The following USP34 variants were observed in gnomAD, a reference collection of about 807,000 sequenced individuals.
USP34 encodes the protein ubiquitin specific peptidase 34, also known as ubiquitin carboxyl-terminal hydrolase 34.
Under a neutral mutation model 460.3 loss-of-function variants are expected in USP34, and 70 were observed. That is an observed-to-expected ratio of 0.15 (90% CI 0.13 to 0.19). The LOEUF is 0.19. USP34 is among the 10% of genes least tolerant of loss of function. The pLI is 1.00. For synonymous variants in USP34, 1,647 were observed against 1,405.3 expected, an observed-to-expected ratio of 1.17 and a Z score of -3.85; for missense variants, 3,985 against 4,236.2, an observed-to-expected ratio of 0.94 and a Z score of 1.65.
At chr2:61,287,558 C>T (rs1427593345) in intron 34 of USP34, among the ~76,000 whole-genome samples, 3 of 152,202 alleles carry the variant, frequency 2.0e-5, no homozygotes, top group Admixed American at 2.0e-4. Context: ...CACCTTCCTC[C>T]TCCTCTTCTA....
At chr2:61,233,575 CAGCACTCTGGGAGGCAGAG>C (rs1241984442) in intron 57 of USP34, among the ~76,000 whole-genome samples, 3 of 152,060 alleles carry the variant, frequency 2.0e-5, no homozygotes, top group Non-Finnish European at 4.4e-5. Context: ...CCTGTAATCT[CAGCACTCTGGGAGGCAGAG>C]GCAGGAGGAT....
chr2:61,332,225 G>A (rs1243946807), intron 19 of USP34, among the ~76,000 whole-genome samples: 1 of 151,854 alleles, frequency 6.6e-6, no homozygotes, highest in East Asian at 1.9e-4. Flanking sequence ...TTAAACTATG[G>A]GCCATTAGAA....
At chr2:61,326,643 A>G (rs1446738532) in intron 20 of USP34, among the ~76,000 whole-genome samples, 2 of 152,146 alleles carry the variant, frequency 1.3e-5, no homozygotes, top group African/African-American at 4.8e-5. Flanking sequence ...AACTAAGTCA[A>G]TAATAAGCTA....
In USP34 at chr2:61,433,999, AG is replaced by A. The variant is rs1694746452; in HGVS notation, c.44-13167del. Among the ~76,000 whole-genome samples, 7 of 152,288 alleles carry A rather than the reference AG, an allele frequency of 4.6e-5. No individual in the cohort carries two copies. In the South Asian group the frequency reaches 1.4e-3, roughly 32 times the overall value. On this transcript the variant is annotated intron_variant, in intron 1 of 79. Transcript: ENST00000398571. Reference sequence around the variant, plus strand: ...ACAACCAGACCACACTTCAAGCCAAAGGAACAGTCTGACAGTCCCATCCAGG... The same window carrying A: ...ACAACCAGACCACACTTCAAGCCAAAGAACAGTCTGACAGTCCCATCCAGG...
At chr2:61,214,741 T>C (rs867089401) in intron 67 of USP34, 47 bp from the exon 68 acceptor site, 3 of 1,590,676 alleles carry the variant, frequency 1.9e-6, no homozygotes, top group African/African-American at 2.7e-5. Context: ...AGATATAAAA[T>C]AGACTGAACA....
intron 20 of USP34, among the ~76,000 whole-genome samples, chr2:61,325,828 A>C (rs1691069813): frequency 6.6e-6 from 1 of 152,226 alleles, no homozygotes; most frequent in Non-Finnish European, 1.5e-5. Flanking sequence ...TTCATATCAT[A>C]GTCCCTTTAG....
At chr2:61,406,863 A>T (rs978170319) in intron 2 of USP34, among the ~76,000 whole-genome samples, 3 of 151,680 alleles carry the variant, frequency 2.0e-5, no homozygotes, top group African/African-American at 7.3e-5. Context: ...AAAAAAAAAT[A>T]GCTGGGTATG....
Position 61,288,661 on chromosome 2 carries a change from A to G in USP34, c.4749+16T>C. Reference sequence around the variant, plus strand: ...TAAATGGAATTCATCATTAAACATTAATTTCTGCACTTTACCTCTGTTAAT... The same window carrying G: ...TAAATGGAATTCATCATTAAACATTGATTTCTGCACTTTACCTCTGTTAAT... On this transcript the variant is annotated intron_variant, in intron 34 of 79. Transcript: ENST00000398571. 1.2e-6 allele frequency: 2 copies of G among 1,610,264 alleles called. No homozygotes were observed. Among genetic ancestry groups the G allele is most frequent in the Non-Finnish European group, 1.7e-6 (2 of 1,177,326 alleles).
intron 53 of USP34, among the ~76,000 whole-genome samples, chr2:61,238,487 T>C (rs943378828): frequency 6.6e-6 from 1 of 152,316 alleles, no homozygotes. Flanking sequence ...CCTTCTATTA[T>C]CTGTAAGAAT....
At chr2:61,456,011 T>G in intron 1 of USP34, among the ~76,000 whole-genome samples, 1 of 152,186 alleles carries the variant, frequency 6.6e-6, no homozygotes, top group South Asian at 2.1e-4. Flanking sequence ...ATCTGTACTC[T>G]GGAACCTTCC....
intron 1 of USP34, among the ~76,000 whole-genome samples, chr2:61,444,671 G>A (rs184581120): frequency 1.3e-5 from 2 of 152,184 alleles, no homozygotes; most frequent in East Asian, 1.9e-4. Flanking sequence ...GCACATTAAA[G>A]GGCTAGGGTG....
Position 61,284,919 on chromosome 2 carries a change from C to T in USP34, c.4788G>A (p.Gln1596=), listed in dbSNP as rs1443304187. Residue 1596 remains glutamine (Q), a synonymous_variant, in exon 35 of 80, where the codon CAG becomes CAA. Coordinates refer to ENST00000398571, the MANE Select transcript of USP34 (RefSeq NM_014709.4). ...ACGTATAAGCAACAGACATAAGTCG[C>T]TGAATCAAACTGGTTCCTTGGACAA... ...LVLVQGTSLI[Q]RLMSVAYTYD... 1 of 1,611,148 alleles carries T rather than the reference C, an allele frequency of 6.2e-7. No homozygotes were observed. The highest frequency in any genetic ancestry group is 1.3e-5 in the African/African-American group (1 of 74,946).
chr2:61,202,668 T>C (rs1687010251), intron 75 of USP34, among the ~76,000 whole-genome samples: 1 of 152,198 alleles, frequency 6.6e-6, no homozygotes, highest in East Asian at 1.9e-4. Flanking sequence ...TTTATGAGAC[T>C]TACCTCCTAA....
intron 79 of USP34, 86 bp from the exon 80 acceptor site, chr2:61,188,795 C>G (rs1686530370): frequency 6.4e-7 from 1 of 1,566,030 alleles, no homozygotes; most frequent in South Asian, 1.2e-5. Context: ...AATTTTGTTT[C>G]TAGCATTTAT....
chr2:61,330,787 A>G (rs1691236659), intron 20 of USP34, among the ~76,000 whole-genome samples: 1 of 152,184 alleles, frequency 6.6e-6, no homozygotes, highest in African/African-American at 2.4e-5. Context: ...TCCAGAGAAT[A>G]TTTTGATGTA....
rs111327730 is a variant in USP34, at chr2:61,383,604, G to T, written c.754-268C>A. 7.0e-3 allele frequency among the ~76,000 whole-genome samples: 1,059 copies of T among 152,158 alleles called. 3 individuals carry two copies. Among genetic ancestry groups the T allele is most frequent in the Non-Finnish European group, 0.011 (736 of 67,982 alleles). ...TGTAGTCCCAGCTACTTGAGAGGCT[G>T]AGGCAGGAGAATCGCTTGAACCCCC... On this transcript the variant is annotated intron_variant, in intron 5 of 79. Coordinates refer to ENST00000398571, the MANE Select transcript of USP34 (RefSeq NM_014709.4).
intron 48 of USP34, among the ~76,000 whole-genome samples, chr2:61,255,935 A>G (rs1386914009): frequency 1.3e-5 from 2 of 152,212 alleles, no homozygotes; most frequent in Non-Finnish European, 2.9e-5. Context: ...AAACTTTATC[A>G]TAGGTATGTT....
chr2:61,395,523 A>G (rs10211654), intron 3 of USP34, among the ~76,000 whole-genome samples: 78,160 of 149,478 alleles, frequency 0.52, 20,497 homozygotes, highest in South Asian at 0.73. Context: ...TCCCGGCCGG[A>G]CGCGGTGGCT....
chr2:61,440,830 T>TA lies in USP34; in HGVS notation c.44-19998_44-19997insT, dbSNP rs1448557964. ...ACCACACCCGGCCTACTTTTTTAAT[T>TA]TAAAAAAAAAAAAAATTTCGGGTGC... On this transcript the variant is annotated intron_variant, in intron 1 of 79. Transcript: ENST00000398571. 2.0e-5 allele frequency among the ~76,000 whole-genome samples: 3 copies of TA among 150,348 alleles called. No homozygotes were observed. The East Asian group carries it at 6.1e-4, about 30-fold the overall frequency.
Sources: allele counts gnomAD v4.1 joint callset (sites outside exome capture counted in the v4.1 genomes callset), GRCh38; gene constraint gnomAD v4.1.1; transcripts MANE v1.5; gene names NCBI Gene and HGNC (gene_info 2026-07-23, HGNC 2026-07-21).